Variants in GADL1 observed in about 807,000 individuals in gnomAD.
The protein encoded by GADL1 is GAD like acidic amino acid decarboxylase 1.
In GADL1, 71 loss-of-function variants were observed where a neutral mutation model predicts 69.5. That is an observed-to-expected ratio of 1.02 (90% CI 0.84 to 1.25). GADL1 has a LOEUF of 1.25. Among genes scored for constraint, GADL1 ranks in the 50% most tolerant of loss-of-function variants. GADL1 has a pLI of 0.00. For synonymous variants in GADL1, 254 were observed against 214.4 expected (o/e 1.18, Z -1.62); for missense variants, 737 against 631.8 (o/e 1.17, Z -1.79).
At chr3:30,762,650 A>G (rs1242531476) in intron 14 of GADL1, among the ~76,000 whole-genome samples, 1 of 152,184 alleles carries the variant, frequency 6.6e-6, no homozygotes, top group Non-Finnish European at 1.5e-5. Context: ...AAGTTATTTA[A>G]AAATGTAGTT....
intron 14 of GADL1, among the ~76,000 whole-genome samples, chr3:30,768,239 G>A (rs1317440586): frequency 1.3e-5 from 2 of 152,150 alleles, no homozygotes; most frequent in Non-Finnish European, 2.9e-5. Flanking sequence ...AGCAAAAGCA[G>A]ATGTGAGCAA....
intron 8 of GADL1, among the ~76,000 whole-genome samples, chr3:30,843,693 G>A (rs1559358744): frequency 6.6e-6 from 1 of 152,190 alleles, no homozygotes; most frequent in East Asian, 1.9e-4. Flanking sequence ...AGGATGTTCT[G>A]TCACTGAACT....
chr3:30,847,634 G>A (rs1458558483), intron 6 of GADL1, among the ~76,000 whole-genome samples: 1 of 152,148 alleles, frequency 6.6e-6, no homozygotes, highest in Non-Finnish European at 1.5e-5. Flanking sequence ...GTAGTGTCTT[G>A]ACCAATGGAG....
At chr3:30,769,419 A>G (rs1332165982) in intron 14 of GADL1, among the ~76,000 whole-genome samples, 1 of 152,136 alleles carries the variant, frequency 6.6e-6, no homozygotes, top group Admixed American at 6.5e-5. Context: ...TCCTTAGGTT[A>G]CGCAAAGAGG....
Position 30,800,940 on chromosome 3 carries a change from A to T in GADL1, c.1199T>A (p.Leu400Gln), listed in dbSNP as rs948769817. 4 of 1,613,648 alleles carry T rather than the reference A, an allele frequency of 2.5e-6. No homozygotes were observed. The highest frequency in any genetic ancestry group is 3.4e-6 in the Non-Finnish European group (4 of 1,179,894). Residue 400 changes from leucine (L) to glutamine (Q), a missense_variant, in exon 12 of 15, where the codon CTG becomes CAG. Leu to Gln is a moderately radical substitution (Grantham distance 113, BLOSUM62 -2). Transcript: ENST00000282538. ...TCTTTCTTCAAGGCCTAATGTACCCAGGGCCTTCCAGGTCATCCAGAACTT... is the reference window on the plus strand; with the variant it reads ...TCTTTCTTCAAGGCCTAATGTACCCTGGGCCTTCCAGGTCATCCAGAACTT... ...AFKFWMTWKA[L>Q]GTLGLEERVN... is the part of the protein sequence containing the mutation.
At chr3:30,739,094 A>G (rs1452220314) in intron 14 of GADL1, among the ~76,000 whole-genome samples, 1 of 152,200 alleles carries the variant, frequency 6.6e-6, no homozygotes, top group Non-Finnish European at 1.5e-5. Flanking sequence ...TGGCACAGCA[A>G]TAATTTTACA....
chr3:30,860,733 A>G (rs556697080), intron 2 of GADL1, among the ~76,000 whole-genome samples: 1 of 152,172 alleles, frequency 6.6e-6, no homozygotes, highest in African/African-American at 2.4e-5. Context: ...CACCTCCAAC[A>G]TGAAAACCAA....
intron 14 of GADL1, among the ~76,000 whole-genome samples, chr3:30,734,834 A>G (rs957014867): frequency 5.3e-5 from 8 of 152,182 alleles, no homozygotes; most frequent in African/African-American, 1.9e-4. Context: ...CATAAACTGC[A>G]GAAATTTTGA....
intron 14 of GADL1, among the ~76,000 whole-genome samples, chr3:30,738,837 C>G (rs1426227091): frequency 6.6e-6 from 1 of 152,162 alleles, no homozygotes; most frequent in Non-Finnish European, 1.5e-5. Context: ...AGATGAGAAG[C>G]ACCTGAAATA....
chr3:30,772,760 C>T lies in GADL1; in HGVS notation c.1392+5419G>A, dbSNP rs141626616. Among the ~76,000 whole-genome samples, 58 of 152,206 alleles carry T rather than the reference C, an allele frequency of 3.8e-4. 3 individuals carry two copies. In the East Asian group the frequency reaches 0.01, roughly 27 times the overall value. Reference sequence around the variant, plus strand: ...GCATAGTGGTGAGCAGCTGTAATCCCAGCAACTTGGGAGGCTGAGGCAGGA... The same window carrying T: ...GCATAGTGGTGAGCAGCTGTAATCCTAGCAACTTGGGAGGCTGAGGCAGGA... On this transcript the variant is annotated intron_variant, in intron 14 of 14. Coordinates refer to ENST00000282538, the MANE Select transcript of GADL1 (RefSeq NM_207359.3).
intron 11 of GADL1, among the ~76,000 whole-genome samples, chr3:30,812,636 G>C (rs6782211): frequency 0.54 from 81,812 of 152,026 alleles, 25,878 homozygotes; most frequent in African/African-American, 0.88. Context: ...GGTGGGGATA[G>C]AGGCAAACTG....
In GADL1 at chr3:30,772,193, C is replaced by T. The variant is rs1482318588; in HGVS notation, c.1392+5986G>A. ...GTCAAGTAGATTTTAAGATTTATTTCTCCTCTACTATTAAGGAGAAAGGAG... is the reference window on the plus strand; with the variant it reads ...GTCAAGTAGATTTTAAGATTTATTTTTCCTCTACTATTAAGGAGAAAGGAG... On this transcript the variant is annotated intron_variant, in intron 14 of 14. Coordinates refer to ENST00000282538, the MANE Select transcript of GADL1 (RefSeq NM_207359.3). Among the ~76,000 whole-genome samples the T allele has an allele frequency of 2.6e-5, 4 of 152,174 alleles. No individual in the cohort carries two copies. In the East Asian group the frequency reaches 7.7e-4, roughly 29 times the overall value.
chr3:30,806,459 A>C (rs1319707986), intron 11 of GADL1, among the ~76,000 whole-genome samples: 2 of 152,200 alleles, frequency 1.3e-5, no homozygotes, highest in African/African-American at 2.4e-5. Flanking sequence ...TTTTAAAATG[A>C]TTATGCCATC....
intron 13 of GADL1, among the ~76,000 whole-genome samples, chr3:30,780,950 T>C (rs1696652370): frequency 6.6e-6 from 1 of 152,228 alleles, no homozygotes; most frequent in Non-Finnish European, 1.5e-5. Flanking sequence ...GTATTTTACA[T>C]AATTCTTAAA....
chr3:30,742,088 G>T (rs1695634977), intron 14 of GADL1, among the ~76,000 whole-genome samples: 1 of 152,162 alleles, frequency 6.6e-6, no homozygotes, highest in Admixed American at 6.6e-5. Context: ...GACGCTTCCA[G>T]AATATTTTGG....
Position 30,849,739 on chromosome 3 carries a change from C to T in GADL1, c.651+257G>A, listed in dbSNP as rs148214817. 9.7e-3 allele frequency among the ~76,000 whole-genome samples: 1,474 copies of T among 152,200 alleles called. 14 individuals carry two copies. The highest frequency in any genetic ancestry group is 0.014 in the Non-Finnish European group (941 of 68,020). On this transcript the variant is annotated intron_variant, in intron 6 of 14. Transcript: ENST00000282538. ...CAAAAAAAGAGATTCACAGAGATAG[C>T]ACTTTCAAATTAAATATTCTTTTCT... is the stretch of plus-strand genomic sequence containing the variant.
At chr3:30,874,840 G>A (rs918739807) in intron 1 of GADL1, among the ~76,000 whole-genome samples, 1 of 151,836 alleles carries the variant, frequency 6.6e-6, no homozygotes, top group Non-Finnish European at 1.5e-5. Flanking sequence ...CTGCTTGAAG[G>A]GTATATCAGC....
At chr3:30,778,580 C>T (rs1696591322) in intron 13 of GADL1, 1 of 221,580 alleles carries the variant, frequency 4.5e-6, no homozygotes, top group East Asian at 9.6e-5. Context: ...CATACATGCT[C>T]AGAGATGCCC....
intron 9 of GADL1, among the ~76,000 whole-genome samples, chr3:30,838,333 T>A (rs1217713937): frequency 6.6e-6 from 1 of 152,144 alleles, no homozygotes; most frequent in African/African-American, 2.4e-5. Context: ...ATAAGTAGAA[T>A]TTTTAAAGTT....
Sources: allele counts gnomAD v4.1 joint callset (sites outside exome capture counted in the v4.1 genomes callset), GRCh38; gene constraint gnomAD v4.1.1; transcripts MANE v1.5; gene names NCBI Gene and HGNC (gene_info 2026-07-23, HGNC 2026-07-21).